SLC28A3: variants seen among roughly 807,000 people sequenced by gnomAD.
SLC28A3 encodes the protein concentrative Na(+)-nucleoside cotransporter 3.
A neutral mutation model predicts 84.2 loss-of-function variants in SLC28A3; 68 were observed. The observed-to-expected ratio is 0.81, with a 90% confidence interval of 0.66 to 0.99. The LOEUF (loss-of-function observed/expected upper bound fraction) is 0.99. Ranked by LOEUF, SLC28A3 falls within the 50% of genes least tolerant of loss-of-function variation. The pLI, the probability that SLC28A3 is intolerant of heterozygous loss-of-function variation, is 0.00. For missense variants in SLC28A3, 712 were observed against 841.5 expected (o/e 0.85, Z 1.90); for synonymous variants, 267 against 303.6 (o/e 0.88, Z 1.25).
intron 1 of SLC28A3, among the ~76,000 whole-genome samples, chr9:84,321,015 CA>C (rs1483349470): frequency 6.7e-6 from 1 of 149,986 alleles, no homozygotes; most frequent in African/African-American, 2.5e-5. Flanking sequence ...ATGAATTATA[CA>C]ATTGATTACT....
At chr9:84,283,604 A>G (rs1824856292) in intron 14 of SLC28A3, among the ~76,000 whole-genome samples, 1 of 152,212 alleles carries the variant, frequency 6.6e-6, no homozygotes, top group Non-Finnish European at 1.5e-5. Flanking sequence ...ATTCTATACT[A>G]TGGTATGTGT....
the SLC28A3 span, among the ~76,000 whole-genome samples, chr9:84,347,343 C>T: frequency 1.3e-5 from 2 of 152,044 alleles, no homozygotes; most frequent in African/African-American, 4.8e-5. Flanking sequence ...ATTAATATCC[C>T]CATTTCACAG....
chr9:84,279,721 C>T (rs1208993650), intron 16 of SLC28A3, among the ~76,000 whole-genome samples: 1 of 152,266 alleles, frequency 6.6e-6, no homozygotes, highest in Non-Finnish European at 1.5e-5. Context: ...TCCCAGTGTG[C>T]TGGGATTACA....
In SLC28A3 at chr9:84,306,922, C is replaced by A. The variant is rs554539287; in HGVS notation, c.243-1577G>T. Among the ~76,000 whole-genome samples the A allele has an allele frequency of 2.8e-5, 4 of 140,810 alleles. No individual in the cohort carries two copies. In the South Asian group the frequency reaches 8.9e-4, roughly 31 times the overall value. The allele number at this position is 140,810 out of a possible 152,430, so 92.4% of individuals were successfully genotyped here. A position where few individuals can be genotyped will look rare whatever the true frequency, so the allele number is the denominator to read the frequency against. The stretch of plus-strand genomic sequence containing the variant: ...CCTGTAATCCTAGCACTTTGAGAGG[C>A]CAAAGTAGAAGGATTATTTGAGCCC... On this transcript the variant is annotated intron_variant, in intron 3 of 17. Transcript: ENST00000376238.
intron 10 of SLC28A3, among the ~76,000 whole-genome samples, chr9:84,290,832 A>AAAC (rs1825186118): frequency 6.6e-6 from 1 of 150,816 alleles, no homozygotes; most frequent in Non-Finnish European, 1.5e-5. Context: ...ACAAGCATTA[A>AAAC]AAACAAACAA....
At chr9:84,355,676 C>T in the SLC28A3 span, among the ~76,000 whole-genome samples, 1 of 152,080 alleles carries the variant, frequency 6.6e-6, no homozygotes. Flanking sequence ...TATGCAGACT[C>T]TCAGAGCCTC....
At chr9:84,302,477 G>A (rs1825670350) in intron 4 of SLC28A3, 88 bp from the exon 5 acceptor site, 2 of 1,342,416 alleles carry the variant, frequency 1.5e-6, no homozygotes, top group Admixed American at 2.1e-5. Flanking sequence ...GCAGGTGAGG[G>A]GAGGTTTAAT....
chr9:84,353,420 A>T, the SLC28A3 span, among the ~76,000 whole-genome samples: 2 of 152,184 alleles, frequency 1.3e-5, no homozygotes, highest in Non-Finnish European at 2.9e-5. Context: ...TACTAAAAAC[A>T]ATTTACAGGC....
intron 1 of SLC28A3, among the ~76,000 whole-genome samples, chr9:84,331,308 C>T (rs950356228): frequency 3.3e-5 from 5 of 152,156 alleles, no homozygotes; most frequent in Non-Finnish European, 5.9e-5. Context: ...AAAGAGTACT[C>T]AATGTGATTC....
the SLC28A3 span, among the ~76,000 whole-genome samples, chr9:84,366,387 A>G: frequency 0.044 from 6,673 of 152,120 alleles, 207 homozygotes; most frequent in African/African-American, 0.089. Flanking sequence ...GGATTGGTCC[A>G]TGTTGGCTTA....
At chr9:84,344,100 C>T (rs1564186020), upstream of SLC28A3, among the ~76,000 whole-genome samples, 2 of 150,540 alleles carry the variant, frequency 1.3e-5, no homozygotes, top group African/African-American at 2.4e-5. Context: ...GGACTAAGCT[C>T]TGATTTTTTT....
intron 2 of SLC28A3, among the ~76,000 whole-genome samples, chr9:84,311,391 C>T (rs186515361): frequency 1.3e-5 from 2 of 151,932 alleles, no homozygotes; most frequent in African/African-American, 4.8e-5. Flanking sequence ...CAAATGAACC[C>T]AGAGAAGTAC....
chr9:84,354,873 GA>G, the SLC28A3 span, among the ~76,000 whole-genome samples: 5 of 150,608 alleles, frequency 3.3e-5, no homozygotes, highest in Non-Finnish European at 7.4e-5. Flanking sequence ...AAAAAAAAAA[GA>G]AAGAAAGAAA....
intron 3 of SLC28A3, among the ~76,000 whole-genome samples, chr9:84,305,986 G>C (rs1588591188): frequency 1.3e-5 from 2 of 152,198 alleles, no homozygotes; most frequent in South Asian, 4.1e-4. Flanking sequence ...GGCTGGGTGG[G>C]TAGTGTGTGA....
At chr9:84,288,812 G>T (rs1207588895) in intron 11 of SLC28A3, among the ~76,000 whole-genome samples, 1 of 152,140 alleles carries the variant, frequency 6.6e-6, no homozygotes, top group East Asian at 1.9e-4. Flanking sequence ...CCCTCAAAGT[G>T]CTGGGATTAC....
In SLC28A3 at chr9:84,313,354, T is replaced by C; in HGVS notation, c.156+5A>G. The C allele has an allele frequency of 6.2e-7, 1 of 1,613,874 alleles. No homozygotes were observed. The highest frequency in any genetic ancestry group is 8.5e-7 in the Non-Finnish European group (1 of 1,179,832). ...CTAGAGTCATGCACCACAGTCTTGCTGTACCTGTTTGGTGTTTGTGTGCTC... is the reference window on the plus strand; with the variant it reads ...CTAGAGTCATGCACCACAGTCTTGCCGTACCTGTTTGGTGTTTGTGTGCTC... On this transcript the variant is annotated splice_donor_5th_base_variant and intron_variant, in intron 2 of 17. Transcript: ENST00000376238.
chr9:84,330,471 T>A (rs1826738117), intron 1 of SLC28A3, among the ~76,000 whole-genome samples: 2 of 152,200 alleles, frequency 1.3e-5, no homozygotes, highest in Admixed American at 6.5e-5. Context: ...TCCAATAGAA[T>A]AACCATCAGT....
chr9:84,368,045 G>A, the SLC28A3 span, among the ~76,000 whole-genome samples: 1 of 152,128 alleles, frequency 6.6e-6, no homozygotes, highest in African/African-American at 2.4e-5. Flanking sequence ...GGGATGGTAA[G>A]GTCTTTCTCT....
chr9:84,300,691 G>T (rs1214860632), intron 5 of SLC28A3, among the ~76,000 whole-genome samples: 1 of 152,184 alleles, frequency 6.6e-6, no homozygotes, highest in African/African-American at 2.4e-5. Context: ...GGGAGAGGAG[G>T]TCCCTCAGAG....
Sources: gnomAD v4.1 joint callset for allele counts (sites outside exome capture counted in the v4.1 genomes callset) on GRCh38, gnomAD v4.1.1 for gene constraint, MANE v1.5 for transcripts, NCBI Gene and HGNC (gene_info 2026-07-23, HGNC 2026-07-21) for gene names.